ATP11A: variants seen among roughly 807,000 people sequenced by gnomAD.
ATP11A encodes ATPase phospholipid transporting 11A.
A neutral mutation model predicts 154.4 loss-of-function variants in ATP11A; 81 were observed. That is an observed-to-expected ratio of 0.52 (90% CI 0.44 to 0.63). The LOEUF is 0.63. ATP11A is among the 30% of genes least tolerant of loss of function. ATP11A has a pLI of 0.00. For missense variants in ATP11A, 1,316 were observed against 1,474.3 expected, an observed-to-expected ratio of 0.89 and a Z score of 1.76; for synonymous variants, 623 against 585.9, an observed-to-expected ratio of 1.06 and a Z score of -0.91.
rs28460543 is a variant in ATP11A at position 112,806,638 on chromosome 13, G to A, written c.333+345G>A. On this transcript the variant is annotated intron_variant, in intron 4 of 29. Coordinates refer to ENST00000375645, the MANE Select transcript of ATP11A (RefSeq NM_015205.3). ...TGCTGTTTATGGACTCCAGCAAATGGGATGCTGTTTTTTGTTTGTTTGTTT... is the reference window on the plus strand; with the variant it reads ...TGCTGTTTATGGACTCCAGCAAATGAGATGCTGTTTTTTGTTTGTTTGTTT... Among the ~76,000 whole-genome samples the A allele has an allele frequency of 5.8e-3, 883 of 151,994 alleles. 10 individuals carry two copies. Among genetic ancestry groups the A allele is most frequent in the African/African-American group, 0.02 (833 of 41,404 alleles).
chr13:112,767,885 C>A lies in ATP11A; in HGVS notation c.40-17250C>A, dbSNP rs190072110. On this transcript the variant is annotated intron_variant, in intron 1 of 29. Transcript: ENST00000375645. ...CTGCGTGCAGACCCCTCGCAGCACT[C>A]AGGTGTGGCCCGTGGACTTGTGGTT... Among the ~76,000 whole-genome samples, 227 of 152,210 alleles carry A rather than the reference C, an allele frequency of 1.5e-3. 1 individual carries two copies. Among genetic ancestry groups the A allele is most frequent in the African/African-American group, 5.2e-3 (217 of 41,514 alleles).
intron 29 of ATP11A, chr13:112,881,277 G>T: frequency 1.0e-6 from 1 of 992,798 alleles, no homozygotes; most frequent in Non-Finnish European, 1.2e-6. Flanking sequence ...GCCCCAGTGG[G>T]CTGTCAGAAG....
intron 2 of ATP11A, among the ~76,000 whole-genome samples, chr13:112,803,918 C>CTG: frequency 1.1e-5 from 1 of 92,308 alleles, no homozygotes; most frequent in African/African-American, 4.1e-5. Flanking sequence ...ACCTCCCTCC[C>CTG]CCCATCCCCT....
At chr13:112,834,697 A>G (rs2079185459) in intron 15 of ATP11A, 37 bp downstream of exon 15, 1 of 1,503,096 alleles carries the variant, frequency 6.7e-7, no homozygotes, top group African/African-American at 1.4e-5. Flanking sequence ...TGAAAGGACT[A>G]ACGAATAAAG....
intron 1 of ATP11A, among the ~76,000 whole-genome samples, chr13:112,774,889 C>T (rs945680849): frequency 1.3e-5 from 2 of 151,510 alleles, no homozygotes; most frequent in African/African-American, 2.4e-5. Flanking sequence ...GCGTCGTTGG[C>T]GTGCGAGGCT....
At chr13:112,797,649 A>T (rs2078036091) in intron 2 of ATP11A, among the ~76,000 whole-genome samples, 2 of 152,258 alleles carry the variant, frequency 1.3e-5, no homozygotes, top group Non-Finnish European at 2.9e-5. Flanking sequence ...AGAAAAAGCC[A>T]GCAACCCAGA....
intron 13 of ATP11A, 68 bp downstream of exon 13, chr13:112,831,616 C>T: frequency 6.5e-7 from 1 of 1,545,228 alleles, no homozygotes; most frequent in South Asian, 1.2e-5. Context: ...TGAGTCCACC[C>T]CTTTTCACTC....
At chr13:112,800,646 T>A (rs993404463) in intron 2 of ATP11A, among the ~76,000 whole-genome samples, 11 of 151,976 alleles carry the variant, frequency 7.2e-5, no homozygotes, top group African/African-American at 2.7e-4. Context: ...TAATTCGTTC[T>A]ATGAGGCCAG....
chr13:112,867,084 G>T (rs75147542), intron 25 of ATP11A, among the ~76,000 whole-genome samples: 2,003 of 152,226 alleles, frequency 0.013, 45 homozygotes, highest in African/African-American at 0.046. Context: ...AAGAGGTAGT[G>T]TCCTGAGCAC....
rs115526941 is a variant in ATP11A, at chr13:112,881,947, G to A, written c.*81G>A. On this transcript the variant is annotated 3_prime_UTR_variant, in exon 30 of 30. Transcript: ENST00000375645. The stretch of plus-strand genomic sequence containing the variant: ...CCCACTCTCAGCAGGTGACACTCGC[G>A]GCCTGGAAGGAGAAGGTGTCCACGG... 79 of 1,367,626 alleles carry A rather than the reference G, an allele frequency of 5.8e-5. No homozygotes were observed. Among genetic ancestry groups the A allele is most frequent in the East Asian group, 5.0e-4 (11 of 21,990 alleles). 84.7% of individuals were successfully genotyped at this position (1,367,626 alleles called of 1,614,324 possible). A position where few individuals can be genotyped will look rare whatever the true frequency, so the allele number is the denominator to read the frequency against.
intron 2 of ATP11A, among the ~76,000 whole-genome samples, chr13:112,798,749 A>G (rs960990861): frequency 1.3e-5 from 2 of 152,258 alleles, no homozygotes; most frequent in Non-Finnish European, 2.9e-5. Context: ...AAAAGAGTAT[A>G]AGTCACAAAA....
chr13:112,862,530 T>C lies in ATP11A; in HGVS notation c.2946T>C (p.Gly982=), dbSNP rs144581254. ...TTGACGCACTGGTGTTCTTCTTTGGTGCTTATTTCGTGTTTGAAAATACAA... is the reference window on the plus strand; with the variant it reads ...TTGACGCACTGGTGTTCTTCTTTGGCGCTTATTTCGTGTTTGAAAATACAA... ...GLFDALVFFF[G]AYFVFENTTV... is the part of the protein sequence containing the mutation. The change falls in exon 25 of 30, where the codon GGT becomes GGC. Residue 982 remains glycine, a synonymous_variant. Coordinates refer to ENST00000375645, the MANE Select transcript of ATP11A (RefSeq NM_015205.3). 111 of 1,614,226 alleles carry C rather than the reference T, an allele frequency of 6.9e-5. No homozygotes were observed. The African/African-American group carries it at 1.2e-3, about 18-fold the overall frequency.
In ATP11A at chr13:112,859,483, T is replaced by G. The variant is rs968966867; in HGVS notation, c.2727+31T>G. The G allele has an allele frequency of 1.9e-6, 3 of 1,583,968 alleles. No individual in the cohort carries two copies. In the East Asian group the frequency reaches 6.7e-5, roughly 35 times the overall value. The stretch of plus-strand genomic sequence containing the variant: ...TCCTAGGGTCTTCAGGGACAGGCTG[T>G]CTGAGCCTTCTTTTCCTTCCCGCAG... On this transcript the variant is annotated intron_variant, in intron 23 of 29. Coordinates refer to ENST00000375645, the MANE Select transcript of ATP11A (RefSeq NM_015205.3). The surrounding 1 kb of genome is among the most constrained non-coding windows in gnomAD (Gnocchi z 4.3).
At chr13:112,755,230 G>A (rs981676079) in intron 1 of ATP11A, among the ~76,000 whole-genome samples, 44 of 152,156 alleles carry the variant, frequency 2.9e-4, no homozygotes, top group African/African-American at 8.9e-4. Flanking sequence ...CAGGCTGCAC[G>A]TGGACTGGGG....
At chr13:112,828,447 T>C (rs1404263529) in intron 12 of ATP11A, among the ~76,000 whole-genome samples, 17 of 123,596 alleles carry the variant, frequency 1.4e-4, no homozygotes, top group African/African-American at 5.5e-4. Context: ...TGCCCAGCAG[T>C]GTTGAGTAGG....
At chr13:112,818,835 C>T (rs893015205) in intron 6 of ATP11A, among the ~76,000 whole-genome samples, 7 of 152,232 alleles carry the variant, frequency 4.6e-5, no homozygotes, top group Non-Finnish European at 8.8e-5. Context: ...AGCCCCCCGG[C>T]CCAGGCCATG....
intron 1 of ATP11A, among the ~76,000 whole-genome samples, chr13:112,774,529 T>C (rs1343582628): frequency 6.6e-6 from 1 of 152,182 alleles, no homozygotes; most frequent in Non-Finnish European, 1.5e-5. Context: ...ACTTACAAAT[T>C]GCAAATGTGC....
chr13:112,855,346 C>T (rs150959694), intron 19 of ATP11A, among the ~76,000 whole-genome samples: 10 of 152,274 alleles, frequency 6.6e-5, no homozygotes, highest in South Asian at 6.2e-4. Flanking sequence ...GGATTAAAAG[C>T]GCTCACCTTT....
chr13:112,870,166 A>G (rs1409896236), intron 25 of ATP11A, among the ~76,000 whole-genome samples: 1 of 152,172 alleles, frequency 6.6e-6, no homozygotes, highest in Non-Finnish European at 1.5e-5. Context: ...TGAGGGAAAA[A>G]CTGAAGGATG....
Sources: allele counts gnomAD v4.1 joint callset (sites outside exome capture counted in the v4.1 genomes callset), GRCh38; gene constraint gnomAD v4.1.1; non-coding constraint Gnocchi (gnomAD v3.1); transcripts MANE v1.5; gene names NCBI Gene and HGNC (gene_info 2026-07-23, HGNC 2026-07-21).